The following FBXL17 variants were observed in gnomAD, a reference collection of about 807,000 sequenced individuals.
The protein encoded by FBXL17 is F-box and leucine rich repeat protein 17, also known as F-box/LRR-repeat protein 17.
A neutral mutation model predicts 66.2 loss-of-function variants in FBXL17; 22 were observed. The observed-to-expected ratio is 0.33, with a 90% CI of 0.24 to 0.47. FBXL17 has a LOEUF of 0.47. Ranked by LOEUF, FBXL17 falls within the 20% of genes least tolerant of loss-of-function variation. FBXL17 has a pLI of 1.00. For missense variants in FBXL17, 878 were observed against 948.2 expected, an observed-to-expected ratio of 0.93 and a Z score of 0.97; for synonymous variants, 474 against 400.5, an observed-to-expected ratio of 1.18 and a Z score of -2.19.
intron 6 of FBXL17, among the ~76,000 whole-genome samples, chr5:108,099,289 G>T (rs1486004116): frequency 6.6e-6 from 1 of 152,178 alleles, no homozygotes; most frequent in African/African-American, 2.4e-5. Context: ...TTGTAGGGGG[G>T]CAGTATTTTG....
At chr5:108,377,307 G>C (rs1362210962) in intron 1 of FBXL17, among the ~76,000 whole-genome samples, 1 of 152,164 alleles carries the variant, frequency 6.6e-6, no homozygotes, top group Admixed American at 6.5e-5. Flanking sequence ...CTCATTTCCA[G>C]GGTCTGCCTT....
chr5:108,025,856 C>T (rs1455012159), intron 6 of FBXL17, among the ~76,000 whole-genome samples: 1 of 152,072 alleles, frequency 6.6e-6, no homozygotes, highest in Non-Finnish European at 1.5e-5. Context: ...CCCACTAATT[C>T]ATACGTGGGT....
intron 3 of FBXL17, among the ~76,000 whole-genome samples, chr5:108,353,584 G>A (rs1747780563): frequency 6.6e-6 from 1 of 152,150 alleles, no homozygotes; most frequent in African/African-American, 2.4e-5. Flanking sequence ...TTTTAACAAG[G>A]CCTGTCCTCA....
intron 4 of FBXL17, among the ~76,000 whole-genome samples, chr5:108,272,248 G>A (rs185751472): frequency 1.1e-4 from 16 of 151,778 alleles, no homozygotes; most frequent in Non-Finnish European, 2.2e-4. Flanking sequence ...CCGAGATCGC[G>A]CCACCGCACT....
At chr5:108,013,391 C>A (rs288182) in intron 7 of FBXL17, among the ~76,000 whole-genome samples, 1 of 152,042 alleles carries the variant, frequency 6.6e-6, no homozygotes, top group African/African-American at 2.4e-5. Context: ...ATTCTTTCTT[C>A]AGAATAACCA....
intron 4 of FBXL17, among the ~76,000 whole-genome samples, chr5:108,290,808 A>G (rs1758079684): frequency 6.6e-6 from 1 of 152,192 alleles, no homozygotes; most frequent in Non-Finnish European, 1.5e-5. Flanking sequence ...ATTGCAAATA[A>G]TGTTTGAATT....
chr5:107,958,063 T>C (rs966634813), intron 7 of FBXL17, among the ~76,000 whole-genome samples: 2 of 151,536 alleles, frequency 1.3e-5, no homozygotes, highest in Non-Finnish European at 2.9e-5. Flanking sequence ...TCAATGGCCA[T>C]GTAATACAGG....
chr5:108,238,569 G>A (rs1239544520), intron 4 of FBXL17, among the ~76,000 whole-genome samples: 1 of 152,010 alleles, frequency 6.6e-6, no homozygotes, highest in Non-Finnish European at 1.5e-5. Flanking sequence ...GAAGTGCAGT[G>A]GTGCAATCAC....
chr5:108,301,406 A>C (rs139884762), intron 4 of FBXL17, among the ~76,000 whole-genome samples: 182 of 151,816 alleles, frequency 1.2e-3, no homozygotes, highest in African/African-American at 4.3e-3. Flanking sequence ...AATTTTACTA[A>C]ATTTATTTTT....
intron 8 of FBXL17, chr5:107,879,737 C>T (rs1748721842): frequency 5.1e-6 from 5 of 985,260 alleles, no homozygotes; most frequent in Non-Finnish European, 6.0e-6. Flanking sequence ...TAGATTTGTT[C>T]CTAATCACCA....
At chr5:108,265,602 C>T (rs1027207455) in intron 4 of FBXL17, among the ~76,000 whole-genome samples, 4 of 152,162 alleles carry the variant, frequency 2.6e-5, no homozygotes, top group African/African-American at 9.7e-5. Flanking sequence ...TTAGGGCTCA[C>T]ATACACAGTA....
intron 6 of FBXL17, among the ~76,000 whole-genome samples, chr5:108,104,687 A>G (rs994506257): frequency 6.6e-6 from 1 of 152,252 alleles, no homozygotes; most frequent in African/African-American, 2.4e-5. Flanking sequence ...AGTGAGTGCA[A>G]TAGATGATCC....
chr5:108,077,348 G>A (rs1200198729), intron 6 of FBXL17, among the ~76,000 whole-genome samples: 1 of 152,112 alleles, frequency 6.6e-6, no homozygotes, highest in African/African-American at 2.4e-5. Flanking sequence ...ATGGGGGGCT[G>A]GAGGAAAAAA....
intron 7 of FBXL17, among the ~76,000 whole-genome samples, chr5:107,928,440 A>G (rs1750610297): frequency 6.6e-6 from 1 of 151,828 alleles, no homozygotes; most frequent in Non-Finnish European, 1.5e-5. Context: ...TTAAGTCAGC[A>G]AAGATGACCC....
chr5:108,020,642 C>G (rs563231069), intron 7 of FBXL17, among the ~76,000 whole-genome samples: 3 of 151,514 alleles, frequency 2.0e-5, no homozygotes, highest in African/African-American at 7.3e-5. Context: ...CATTGTATAC[C>G]TCTTTTAGCT....
chr5:108,251,882 C>A (rs554816735), intron 4 of FBXL17, among the ~76,000 whole-genome samples: 13 of 151,994 alleles, frequency 8.6e-5, no homozygotes, highest in Non-Finnish European at 1.9e-4. Flanking sequence ...TAGACATATT[C>A]ATTGATACAT....
chr5:108,275,608 T>A (rs1283026668), intron 4 of FBXL17, among the ~76,000 whole-genome samples: 1 of 152,190 alleles, frequency 6.6e-6, no homozygotes, highest in Non-Finnish European at 1.5e-5. Flanking sequence ...AAGAACTATA[T>A]AAATAGTTCT....
At position 108,057,498 on chromosome 5, in the gene FBXL17, T is replaced by C. The variant is rs540795628; in HGVS notation, c.1746-36497A>G. Among the ~76,000 whole-genome samples the C allele has an allele frequency of 3.9e-5, 6 of 152,298 alleles. No individual in the cohort carries two copies. In the East Asian group the frequency reaches 1.2e-3, roughly 29 times the overall value. On this transcript the variant is annotated intron_variant, in intron 6 of 8. Coordinates refer to ENST00000542267, the MANE Select transcript of FBXL17 (RefSeq NM_001163315.3). ...AAAGACTTATAAATTGTTAACTCCA[T>C]CTCCCCAAGCTCTATAAATTTTCTT... is the stretch of plus-strand genomic sequence containing the variant.
rs188792845 is a variant in FBXL17 at position 108,288,247 on chromosome 5, G to A, written c.1506+60152C>T. On this transcript the variant is annotated intron_variant, in intron 4 of 8. Coordinates refer to ENST00000542267, the MANE Select transcript of FBXL17 (RefSeq NM_001163315.3). ...TTTACCTATATAACAAACCGCACAT[G>A]TACCCCGAGCCTAAAATAAAAGTTC... Among the ~76,000 whole-genome samples, 102 of 151,348 alleles carry A rather than the reference G, an allele frequency of 6.7e-4. 1 individual carries two copies. In the Middle Eastern group the frequency reaches 0.01, roughly 15 times the overall value.
Sources: gnomAD v4.1 joint callset for allele counts (sites outside exome capture counted in the v4.1 genomes callset) on GRCh38, gnomAD v4.1.1 for gene constraint, MANE v1.5 for transcripts, NCBI Gene and HGNC (gene_info 2026-07-23, HGNC 2026-07-21) for gene names.